ASTN2: variants seen among roughly 807,000 people sequenced by gnomAD.
ASTN2 encodes the protein astrotactin 2.
A neutral mutation model predicts 139.8 loss-of-function variants in ASTN2; 54 were observed. The observed-to-expected ratio is 0.39, with a 90% CI of 0.31 to 0.48. ASTN2 has a LOEUF of 0.48. Ranked by LOEUF, ASTN2 falls within the 20% of genes least tolerant of loss-of-function variation. The pLI is 0.95. For synonymous variants in ASTN2, 756 were observed against 719.5 expected (o/e 1.05, Z -0.81); for missense variants, 1,565 against 1,725.1 (o/e 0.91, Z 1.64).
At position 116,593,709 on chromosome 9, in the gene ASTN2, G is replaced by T. The variant is rs375162150; in HGVS notation, c.3355+24615C>A. Among the ~76,000 whole-genome samples, 44 of 152,258 alleles carry T rather than the reference G, an allele frequency of 2.9e-4. 2 individuals carry two copies. The highest frequency in any genetic ancestry group is 9.9e-4 in the African/African-American group (41 of 41,532). ...CAGATATCATAACCTAGCCTTCAAG[G>T]CTTTCATCCGCTTGACCATGAATTC... On this transcript the variant is annotated intron_variant, in intron 19 of 22. Transcript: ENST00000313400.
chr9:116,486,501 G>T (rs932618244), intron 20 of ASTN2, among the ~76,000 whole-genome samples: 1 of 152,198 alleles, frequency 6.6e-6, no homozygotes. Context: ...TTAAATGGAT[G>T]AGTGAATGAA....
At chr9:117,239,175 T>C (rs1833134081) in intron 2 of ASTN2, among the ~76,000 whole-genome samples, 1 of 152,178 alleles carries the variant, frequency 6.6e-6, no homozygotes. Flanking sequence ...CACCCTTGGC[T>C]GACAGCATCA....
At chr9:116,907,694 G>T (rs28522031) in intron 10 of ASTN2, among the ~76,000 whole-genome samples, 10,327 of 152,230 alleles carry the variant, frequency 0.068, 862 homozygotes, top group African/African-American at 0.2. Context: ...CTATGTAAGA[G>T]CAAGATCATT....
intron 19 of ASTN2, among the ~76,000 whole-genome samples, chr9:116,572,254 A>G (rs1274539071): frequency 6.6e-6 from 1 of 152,052 alleles, no homozygotes; most frequent in Non-Finnish European, 1.5e-5. Context: ...TGCTCTGGCA[A>G]CCCAAGAACA....
intron 1 of ASTN2, among the ~76,000 whole-genome samples, chr9:117,292,254 A>C (rs1328318894): frequency 1.3e-5 from 2 of 152,122 alleles, no homozygotes; most frequent in African/African-American, 4.8e-5. Context: ...GAAGTTTCTA[A>C]CTCTTATCTC....
At chr9:117,293,099 G>GA (rs142711248) in intron 1 of ASTN2, among the ~76,000 whole-genome samples, 9,841 of 151,400 alleles carry the variant, frequency 0.065, 1,119 homozygotes, top group African/African-American at 0.23. Flanking sequence ...TGAAAAAAAA[G>GA]AAAAAAAACA....
At chr9:117,093,989 C>T (rs1010512371) in intron 5 of ASTN2, among the ~76,000 whole-genome samples, 10 of 152,110 alleles carry the variant, frequency 6.6e-5, no homozygotes, top group African/African-American at 2.4e-4. Flanking sequence ...ATACAAACCC[C>T]ACAAGAGCAG....
intron 1 of ASTN2, among the ~76,000 whole-genome samples, chr9:117,326,307 G>A (rs1457227411): frequency 3.3e-5 from 5 of 151,966 alleles, no homozygotes; most frequent in Admixed American, 6.6e-5. Flanking sequence ...ATAAGTATTC[G>A]GAGAAAAAGA....
chr9:117,116,927 A>G (rs1397515354), intron 4 of ASTN2, among the ~76,000 whole-genome samples: 3 of 148,312 alleles, frequency 2.0e-5, no homozygotes, highest in Admixed American at 6.9e-5. Flanking sequence ...AGAATGTCCT[A>G]TTACTGATGT....
At chr9:116,587,497 G>A (rs1854206985) in intron 19 of ASTN2, among the ~76,000 whole-genome samples, 2 of 152,064 alleles carry the variant, frequency 1.3e-5, no homozygotes, top group Admixed American at 1.3e-4. Flanking sequence ...TGCTGGTAGT[G>A]AGCCATGTGA....
chr9:117,221,169 A>G (rs1193936856), intron 2 of ASTN2, among the ~76,000 whole-genome samples: 2 of 152,174 alleles, frequency 1.3e-5, no homozygotes, highest in African/African-American at 2.4e-5. Flanking sequence ...CAAACCTCGT[A>G]TGCCCCTTTG....
At chr9:116,517,491 A>C (rs961552086) in intron 19 of ASTN2, among the ~76,000 whole-genome samples, 1 of 152,220 alleles carries the variant, frequency 6.6e-6, no homozygotes, top group Non-Finnish European at 1.5e-5. Context: ...CATGGGACAA[A>C]GGAATCTGAA....
chr9:117,089,856 A>T (rs937505360), intron 5 of ASTN2, among the ~76,000 whole-genome samples: 17 of 152,348 alleles, frequency 1.1e-4, no homozygotes, highest in African/African-American at 4.1e-4. Flanking sequence ...AATGCCGTTA[A>T]TTCATTCCTT....
At chr9:116,876,252 C>T (rs947126020) in intron 10 of ASTN2, among the ~76,000 whole-genome samples, 1 of 152,110 alleles carries the variant, frequency 6.6e-6, no homozygotes, top group Admixed American at 6.5e-5. Context: ...GTGAAAATTG[C>T]AAGAGAACTA....
At chr9:117,048,576 C>A (rs1165424611) in intron 5 of ASTN2, among the ~76,000 whole-genome samples, 1 of 152,200 alleles carries the variant, frequency 6.6e-6, no homozygotes, top group Non-Finnish European at 1.5e-5. Flanking sequence ...TTGAATTTCT[C>A]TGTGGCAACT....
chr9:116,593,302 G>A (rs900837662), intron 19 of ASTN2, among the ~76,000 whole-genome samples: 8 of 152,214 alleles, frequency 5.3e-5, no homozygotes, highest in African/African-American at 1.4e-4. Flanking sequence ...GGCGTGGGCC[G>A]AAGGCATGAT....
chr9:116,549,791 T>C (rs569922722), intron 19 of ASTN2, among the ~76,000 whole-genome samples: 2 of 152,262 alleles, frequency 1.3e-5, no homozygotes, highest in African/African-American at 4.8e-5. Context: ...ACAGATACCC[T>C]GCCTCACATG....
intron 6 of ASTN2, among the ~76,000 whole-genome samples, chr9:117,009,767 C>G (rs1480588065): frequency 2.6e-5 from 4 of 152,170 alleles, no homozygotes; most frequent in Non-Finnish European, 4.4e-5. Context: ...CATATGGGTT[C>G]TATGGAGGTC....
chr9:116,567,411 G>T (rs1283062563), intron 19 of ASTN2, among the ~76,000 whole-genome samples: 1 of 152,176 alleles, frequency 6.6e-6, no homozygotes, highest in African/African-American at 2.4e-5. Flanking sequence ...CAGTTGGCGG[G>T]GTGGGGCGCC....
Sources: allele counts gnomAD v4.1 joint callset (sites outside exome capture counted in the v4.1 genomes callset), GRCh38; gene constraint gnomAD v4.1.1; transcripts MANE v1.5; gene names NCBI Gene and HGNC (gene_info 2026-07-23, HGNC 2026-07-21).